Variants in TSNARE1 observed in about 807,000 individuals in gnomAD.
The protein encoded by TSNARE1 is t-SNARE domain containing 1, also known as t-SNARE domain-containing protein 1.
TSNARE1 carries 49 observed loss-of-function variants against 62.0 expected under a neutral mutation model. The ratio of observed to expected loss-of-function variants is 0.79; its 90% CI spans 0.63 to 1.00. The LOEUF is 1.00. Ranked by LOEUF, TSNARE1 falls within the 50% of genes least tolerant of loss-of-function variation. The probability of loss-of-function intolerance (pLI) is 0.00; values close to 1 mark genes in which losing one functional copy is unlikely to be tolerated. For synonymous variants in TSNARE1, 328 were observed against 294.4 expected, an observed-to-expected ratio of 1.11 and a Z score of -1.17; for missense variants, 755 against 700.1, an observed-to-expected ratio of 1.08 and a Z score of -0.88.
At chr8:142,223,007 TTTAC>T (rs1422147991) in intron 13 of TSNARE1, among the ~76,000 whole-genome samples, 9 of 25,684 alleles carry the variant, frequency 3.5e-4, no homozygotes, top group East Asian at 1.1e-3. Context: ...CATTCACTCA[TTTAC>T]TCACTCACTC....
intron 10 of TSNARE1, among the ~76,000 whole-genome samples, chr8:142,290,536 C>T (rs755813223): frequency 1.8e-4 from 28 of 152,194 alleles, no homozygotes; most frequent in African/African-American, 5.3e-4. Context: ...CTTTCCAGAA[C>T]GAGAAGTCAA....
chr8:142,221,754 C>A (rs1033379665), intron 13 of TSNARE1, among the ~76,000 whole-genome samples: 1 of 41,784 alleles, frequency 2.4e-5, no homozygotes, highest in Middle Eastern at 8.1e-3. Flanking sequence ...CTCACTCACT[C>A]ATTCACTCAC....
At chr8:142,275,785 C>A in intron 11 of TSNARE1, 1 of 985,384 alleles carries the variant, frequency 1.0e-6, no homozygotes, top group Non-Finnish European at 1.2e-6. Flanking sequence ...TGACTTGAGC[C>A]TCAGGGGTCT....
chr8:142,322,164 A>G (rs79497744), intron 6 of TSNARE1, among the ~76,000 whole-genome samples: 2,780 of 152,350 alleles, frequency 0.018, 31 homozygotes, highest in East Asian at 0.039. Flanking sequence ...ATCTTAATAA[A>G]TTATGCAGAA....
chr8:142,345,574 T>A (rs1321101562), intron 3 of TSNARE1, among the ~76,000 whole-genome samples, 169 bp downstream of exon 3: 1 of 152,170 alleles, frequency 6.6e-6, no homozygotes, highest in Non-Finnish European at 1.5e-5. Flanking sequence ...GCTGCACCCT[T>A]GACCCTACTC....
At chr8:142,221,211 C>T (rs1373308717) in intron 13 of TSNARE1, among the ~76,000 whole-genome samples, 1 of 152,204 alleles carries the variant, frequency 6.6e-6, no homozygotes, top group African/African-American at 2.4e-5. Flanking sequence ...AGAGAATGCC[C>T]ATTAAAGCAC....
chr8:142,377,289 AACATCTACCAAAT>A (rs2131144727), intron 1 of TSNARE1, among the ~76,000 whole-genome samples: 1 of 152,346 alleles, frequency 6.6e-6, no homozygotes, highest in African/African-American at 2.4e-5. Flanking sequence ...CCCCAAAGAA[AACATCTACCAAAT>A]ACAAAAGCAA....
chr8:142,274,655 C>T, intron 12 of TSNARE1, 126 bp downstream of exon 12: 2 of 1,368,680 alleles, frequency 1.5e-6, no homozygotes, highest in Non-Finnish European at 1.9e-6. Flanking sequence ...TCAGAGGAGG[C>T]CTGTGGGCAT....
intron 4 of TSNARE1, among the ~76,000 whole-genome samples, chr8:142,334,267 CTG>C (rs1453229034): frequency 6.6e-6 from 1 of 152,250 alleles, no homozygotes; most frequent in East Asian, 1.9e-4. Context: ...GCTGGAGTCT[CTG>C]AGCCTACTCT....
intron 6 of TSNARE1, among the ~76,000 whole-genome samples, chr8:142,330,542 G>T (rs1830864726): frequency 6.6e-6 from 1 of 152,240 alleles, no homozygotes; most frequent in Admixed American, 6.5e-5. Context: ...CCCCAACAGG[G>T]AGCCTTCAGA....
intron 1 of TSNARE1, among the ~76,000 whole-genome samples, chr8:142,358,994 C>G (rs766996493): frequency 3.9e-5 from 6 of 152,134 alleles, no homozygotes. Context: ...CTGTCCTGCC[C>G]CAGCCTCAGC....
chr8:142,235,582 G>A (rs764119057), intron 12 of TSNARE1, among the ~76,000 whole-genome samples: 1 of 152,192 alleles, frequency 6.6e-6, no homozygotes, highest in Non-Finnish European at 1.5e-5. Context: ...AGATGGGTGT[G>A]GAACGGATTG....
intron 13 of TSNARE1, among the ~76,000 whole-genome samples, chr8:142,218,077 G>T (rs1816009472): frequency 1.2e-5 from 1 of 80,842 alleles, no homozygotes; most frequent in Non-Finnish European, 2.6e-5. Flanking sequence ...CAGGATCAGG[G>T]TTCAGAGAGT....
At chr8:142,274,598 G>C (rs933833889) in intron 12 of TSNARE1, 183 bp downstream of exon 12, 9 of 985,258 alleles carry the variant, frequency 9.1e-6, no homozygotes, top group Non-Finnish European at 9.6e-6. Context: ...CACTGCTGCC[G>C]CAACCCCGCC....
intron 6 of TSNARE1, among the ~76,000 whole-genome samples, chr8:142,320,543 G>A (rs989640285): frequency 1.3e-5 from 2 of 151,956 alleles, no homozygotes; most frequent in Non-Finnish European, 2.9e-5. Flanking sequence ...CCACGTGGGT[G>A]GCCTCCTGTA....
At chr8:142,327,580 G>T (rs1051519304) in intron 6 of TSNARE1, among the ~76,000 whole-genome samples, 1 of 152,192 alleles carries the variant, frequency 6.6e-6, no homozygotes, top group Non-Finnish European at 1.5e-5. Flanking sequence ...ACTCCGGGAG[G>T]TCAGCTCTTC....
At chr8:142,380,934 G>A (rs1398940240) in intron 1 of TSNARE1, among the ~76,000 whole-genome samples, 4 of 151,960 alleles carry the variant, frequency 2.6e-5, no homozygotes, top group African/African-American at 7.3e-5. Context: ...TTCTCTCCTC[G>A]CCCTCACCCC....
chr8:142,336,809 A>G (rs887080316), intron 4 of TSNARE1, among the ~76,000 whole-genome samples: 1 of 152,250 alleles, frequency 6.6e-6, no homozygotes, highest in Non-Finnish European at 1.5e-5. Context: ...CGCTGAAATC[A>G]TACAAAATAC....
intron 1 of TSNARE1, among the ~76,000 whole-genome samples, chr8:142,375,498 C>T (rs1836263475): frequency 6.6e-6 from 1 of 152,328 alleles, no homozygotes; most frequent in South Asian, 2.1e-4. Flanking sequence ...TGGGGCTGGG[C>T]GCCAGCTTCC....
Sources: gnomAD v4.1 joint callset for allele counts (sites outside exome capture counted in the v4.1 genomes callset) on GRCh38, gnomAD v4.1.1 for gene constraint, MANE v1.5 for transcripts, NCBI Gene and HGNC (gene_info 2026-07-23, HGNC 2026-07-21) for gene names.